Variants in GPR155 observed in about 807,000 individuals in gnomAD.
GPR155 encodes G protein-coupled receptor 155.
GPR155 carries 65 observed loss-of-function variants against 93.1 expected under a neutral mutation model. The ratio of observed to expected loss-of-function variants is 0.70; its 90% CI spans 0.57 to 0.86. The LOEUF (loss-of-function observed/expected upper bound fraction) is 0.86, where lower values mean the gene tolerates loss of function less well. Among genes scored for constraint, GPR155 ranks in the 40% least tolerant of loss-of-function variants. GPR155 has a pLI of 0.00. For synonymous variants in GPR155, 319 were observed against 360.1 expected (o/e 0.89, Z 1.29); for missense variants, 838 against 1,034.8 (o/e 0.81, Z 2.61).
chr2:174,441,781 C>T (rs1416080038), intron 14 of GPR155, among the ~76,000 whole-genome samples: 2 of 151,844 alleles, frequency 1.3e-5, no homozygotes, highest in South Asian at 2.1e-4. Flanking sequence ...CTTGCTCTGT[C>T]GCCCAGGCTG....
At chr2:174,462,119 G>T (rs188365821) in intron 7 of GPR155, among the ~76,000 whole-genome samples, 8 of 151,772 alleles carry the variant, frequency 5.3e-5, no homozygotes, top group Admixed American at 5.3e-4. Flanking sequence ...ATTTTTTTTT[G>T]TAGAGACAGA....
chr2:174,454,853 A>C (rs980111035), intron 10 of GPR155, among the ~76,000 whole-genome samples: 1 of 122,472 alleles, frequency 8.2e-6, no homozygotes. Context: ...AAAGGAAGGA[A>C]GGGAAGGAAG....
At chr2:174,470,314 T>TA in intron 4 of GPR155, 76 bp downstream of exon 4, 1 of 1,187,402 alleles carries the variant, frequency 8.4e-7, no homozygotes, top group Non-Finnish European at 1.2e-6. Context: ...AAAAGAATTT[T>TA]AAAAAATTTG....
intron 11 of GPR155, 65 bp downstream of exon 11, chr2:174,453,659 CAAAAAAAAGAAAA>C: frequency 2.3e-6 from 1 of 426,678 alleles, no homozygotes; most frequent in East Asian, 3.3e-5. Flanking sequence ...GACTCCGTCT[CAAAAAAAAGAAAA>C]AAAAAAAAAA....
intron 7 of GPR155, among the ~76,000 whole-genome samples, chr2:174,463,888 A>G (rs1434564070): frequency 6.6e-6 from 1 of 152,250 alleles, no homozygotes; most frequent in Admixed American, 6.5e-5. Context: ...GATTTAATAT[A>G]AATTGACATT....
chr2:174,459,261 T>C (rs1254805475), intron 10 of GPR155, among the ~76,000 whole-genome samples: 1 of 152,178 alleles, frequency 6.6e-6, no homozygotes, highest in Admixed American at 6.5e-5. Flanking sequence ...GCTTGCCTGA[T>C]ACAATATTGT....
chr2:174,465,823 A>G lies in GPR155; in HGVS notation c.1346T>C (p.Leu449Pro), dbSNP rs2105716264. 1 of 1,605,464 alleles carries G rather than the reference A, an allele frequency of 6.2e-7. No individual in the cohort carries two copies. Among genetic ancestry groups the G allele is most frequent in the East Asian group, 2.2e-5 (1 of 44,854 alleles). ...GGTGCTATAGAGGGAGCTGTACAAT[A>G]GAACAAACACCAAAATTTGTCCAAC... is the stretch of plus-strand genomic sequence containing the variant. ...NFVGQILVFV[L>P]LYSSLYSTYL... The change falls in exon 7 of 16, where the codon CTA becomes CCA. Residue 449 changes from leucine to proline, a missense_variant. Coordinates refer to ENST00000392552, the MANE Select transcript of GPR155 (RefSeq NM_152529.7).
At chr2:174,459,752 G>T in intron 10 of GPR155, 126 bp downstream of exon 10, 1 of 640,118 alleles carries the variant, frequency 1.6e-6, no homozygotes, top group Non-Finnish European at 2.7e-6. Context: ...GGCTCAGGTG[G>T]CAGAATCGCT....
At chr2:174,477,439 A>T (rs1169557301) in intron 2 of GPR155, among the ~76,000 whole-genome samples, 1 of 152,200 alleles carries the variant, frequency 6.6e-6, no homozygotes, top group African/African-American at 2.4e-5. Flanking sequence ...ATGAATATTT[A>T]TAAAGCAGGT....
In GPR155 at chr2:174,446,691, C is replaced by T. The variant is rs540704539; in HGVS notation, c.1933G>A (p.Glu645Lys). Residue 645 changes from glutamate (E) to lysine (K), a missense_variant, in exon 12 of 16, where the codon GAA becomes AAA. Physicochemically the swap from Glu to Lys is moderately conservative, Grantham distance 56 (BLOSUM62 1). Transcript: ENST00000392552. ...TGGTCTCCACTCTGTAGATACTGTT[C>T]TTCTTCCTGGGCTAATATGCAGCTC... ...SQSCILAQEE[E>K]QYLQSGDQQL... 2 of 1,613,892 alleles carry T rather than the reference C, an allele frequency of 1.2e-6. No individual in the cohort carries two copies. Among genetic ancestry groups the T allele is most frequent in the South Asian group, 2.2e-5 (2 of 91,068 alleles).
intron 2 of GPR155, among the ~76,000 whole-genome samples, chr2:174,479,881 A>C (rs1688271762): frequency 6.6e-6 from 1 of 152,106 alleles, no homozygotes. Flanking sequence ...CTAGTTTCTG[A>C]CTATTTGTAG....
chr2:174,443,116 T>C (rs1687016105), intron 13 of GPR155, among the ~76,000 whole-genome samples: 1 of 152,172 alleles, frequency 6.6e-6, no homozygotes, highest in Non-Finnish European at 1.5e-5. Flanking sequence ...CAGTATTTTA[T>C]AGTTCTTAGA....
At chr2:174,453,613 T>C (rs1167192611) in intron 11 of GPR155, 124 bp downstream of exon 11, 20 of 561,228 alleles carry the variant, frequency 3.6e-5, no homozygotes, top group Non-Finnish European at 5.7e-5. Context: ...TGAGCCAAGA[T>C]AGCGCCACTG....
chr2:174,434,704 C>G lies in GPR155; in HGVS notation c.*1412G>C, dbSNP rs1451627456. 1 of 151,960 alleles carries G rather than the reference C, an allele frequency of 6.6e-6. No individual in the cohort carries two copies. Among genetic ancestry groups the G allele is most frequent in the African/African-American group, 2.4e-5 (1 of 41,384 alleles). 9.4% of individuals were successfully genotyped at this position (151,960 alleles called of 1,614,324 possible). A position where few individuals can be genotyped will look rare whatever the true frequency, so the allele number is the denominator to read the frequency against. ...CACTGCAACCTGCGCCTCCCAGGCTCAAGGGGTACTCCCACCTCAGTCTCC... is the reference window on the plus strand; with the variant it reads ...CACTGCAACCTGCGCCTCCCAGGCTGAAGGGGTACTCCCACCTCAGTCTCC... On this transcript the variant is annotated 3_prime_UTR_variant, in exon 16 of 16. Transcript: ENST00000392552.
rs1574703678 is a variant in GPR155 at position 174,448,624 on chromosome 2, G to A, written c.1877-1877C>T. On this transcript the variant is annotated intron_variant, in intron 11 of 15. Transcript: ENST00000392552. ...GCAATCTCGGCTCACTGCAAGCTCC[G>A]CTTCCCGGGTTCACGCCATTCTCCT... is the stretch of plus-strand genomic sequence containing the variant. 5.7e-5 allele frequency among the ~76,000 whole-genome samples: 8 copies of A among 139,770 alleles called. No individual in the cohort carries two copies. In the South Asian group the frequency reaches 1.4e-3, roughly 24 times the overall value. 91.7% of individuals were successfully genotyped at this position (139,770 alleles called of 152,430 possible).
At chr2:174,441,641 TCTC>T (rs1686963843) in intron 14 of GPR155, among the ~76,000 whole-genome samples, 1 of 152,070 alleles carries the variant, frequency 6.6e-6, no homozygotes, top group Non-Finnish European at 1.5e-5. Context: ...GTCCAAGTGT[TCTC>T]ATTGTTCAGT....
chr2:174,444,869 CT>C (rs1470492832), intron 13 of GPR155, among the ~76,000 whole-genome samples: 1 of 152,158 alleles, frequency 6.6e-6, no homozygotes, highest in Non-Finnish European at 1.5e-5. Flanking sequence ...AGCGTACATT[CT>C]GATGACTTTA....
chr2:174,435,975 G>T lies in GPR155; in HGVS notation c.*141C>A. On this transcript the variant is annotated 3_prime_UTR_variant, in exon 16 of 16. Transcript: ENST00000392552. ...CACAGACCCTGCGCATGTGGTGGGA[G>T]CACATCTTTTCACATTTTACAGAAG... 3.1e-6 allele frequency: 2 copies of T among 646,468 alleles called. No individual in the cohort carries two copies. Among genetic ancestry groups the T allele is most frequent in the Non-Finnish European group, 5.5e-6 (2 of 363,994 alleles). The allele number at this position is 646,468 out of a possible 1,614,324, so 40.0% of individuals were successfully genotyped here.
intron 6 of GPR155, 54 bp downstream of exon 6, chr2:174,466,490 A>C (rs1687841027): frequency 1.0e-6 from 1 of 967,956 alleles, no homozygotes; most frequent in African/African-American, 1.6e-5. Context: ...TCTCCTCTAC[A>C]GTAGAATAAT....
Sources: allele counts gnomAD v4.1 joint callset (sites outside exome capture counted in the v4.1 genomes callset), GRCh38; gene constraint gnomAD v4.1.1; transcripts MANE v1.5; gene names NCBI Gene and HGNC (gene_info 2026-07-23, HGNC 2026-07-21).